LRPPRC: variants seen among roughly 807,000 people sequenced by gnomAD.
The protein encoded by LRPPRC is leucine-rich PPR motif-containing protein, mitochondrial.
In LRPPRC, 120 loss-of-function variants were observed where a neutral mutation model predicts 180.3. The ratio of observed to expected loss-of-function variants is 0.67; its 90% confidence interval spans 0.57 to 0.77. The LOEUF is 0.77. Among genes scored for constraint, LRPPRC ranks in the 30% least tolerant of loss-of-function variants. The pLI, the probability that LRPPRC is intolerant of heterozygous loss-of-function variation, is 0.00. For missense variants in LRPPRC, 2,012 were observed against 1,657.2 expected, an observed-to-expected ratio of 1.21 and a Z score of -3.72; for synonymous variants, 723 against 600.0, an observed-to-expected ratio of 1.21 and a Z score of -3.00.
chr2:43,889,873 G>C lies in LRPPRC; in HGVS notation c.3989C>G (p.Ser1330Ter). ...TTTAGCAGATGTGACATCTTTCTCT[G>C]AGACTGACATAAAGAAAAAAATATA... ...AYNSLMKSYV[S>*]EKDVTSAKAL... Residue 1330 changes from serine (S) to a stop codon, truncating the protein, a stop_gained, in exon 37 of 38, where the codon TCA becomes TGA. Coordinates refer to ENST00000260665, the MANE Select transcript of LRPPRC (RefSeq NM_133259.4). LOFTEE classifies it high-confidence loss of function. 1 of 1,604,574 alleles carries C rather than the reference G, an allele frequency of 6.2e-7. No individual in the cohort carries two copies. Among genetic ancestry groups the C allele is most frequent in the Non-Finnish European group, 8.5e-7 (1 of 1,171,292 alleles).
chr2:43,966,357 T>C (rs1023317045), intron 11 of LRPPRC, among the ~76,000 whole-genome samples: 1 of 152,014 alleles, frequency 6.6e-6, no homozygotes, highest in Non-Finnish European at 1.5e-5. Context: ...CTGGACACAA[T>C]GTACAGAATA....
intron 35 of LRPPRC, 51 bp downstream of exon 35, chr2:43,896,583 G>A (rs758243451): frequency 8.8e-7 from 1 of 1,141,732 alleles, no homozygotes; most frequent in Non-Finnish European, 1.3e-6. Context: ...CAATACTTCT[G>A]AGCAAGGCAC....
intron 1 of LRPPRC, among the ~76,000 whole-genome samples, chr2:43,985,738 G>C (rs1674501597): frequency 1.3e-5 from 2 of 152,190 alleles, no homozygotes; most frequent in African/African-American, 4.8e-5. Context: ...CCTACTGAAG[G>C]ACATCCAGGT....
At chr2:43,966,910 G>T (rs548700181) in intron 11 of LRPPRC, among the ~76,000 whole-genome samples, 2 of 151,982 alleles carry the variant, frequency 1.3e-5, no homozygotes, top group South Asian at 2.1e-4. Flanking sequence ...AATTTGCTGG[G>T]TGTGGTGGCA....
rs1177698768 is a variant in LRPPRC, at chr2:43,995,942, T to C, written c.6A>G (p.Ala2=). The change falls in exon 1 of 38, where the codon GCA becomes GCG. Residue 2 remains alanine (A), a synonymous_variant. Coordinates refer to ENST00000260665, the MANE Select transcript of LRPPRC (RefSeq NM_133259.4). The part of the protein sequence containing the change: M[A]ALLRSARWLL... ...ACCAACGCGCGGATCTCAGCAGGGC[T>C]GCCATTGCTCGAACGTCCCCGCAGC... The C allele has an allele frequency of 1.3e-6, 2 of 1,526,320 alleles. No homozygotes were observed. Among genetic ancestry groups the C allele is most frequent in the African/African-American group, 2.8e-5 (2 of 71,610 alleles). 94.5% of individuals were successfully genotyped at this position (1,526,320 alleles called of 1,614,324 possible). A position where few individuals can be genotyped will look rare whatever the true frequency, so the allele number is the denominator to read the frequency against.
intron 1 of LRPPRC, among the ~76,000 whole-genome samples, chr2:43,987,802 C>T (rs1476361341): frequency 6.6e-6 from 1 of 152,204 alleles, no homozygotes; most frequent in East Asian, 1.9e-4. Context: ...TTACTTATCA[C>T]ATCAATTCTG....
At chr2:43,930,228 A>T (rs1672037980) in intron 25 of LRPPRC, among the ~76,000 whole-genome samples, 1 of 152,160 alleles carries the variant, frequency 6.6e-6, no homozygotes, top group Non-Finnish European at 1.5e-5. Context: ...GCAAAACAGC[A>T]GATAGGGAGA....
At chr2:43,932,741 G>A (rs1672135234) in intron 25 of LRPPRC, among the ~76,000 whole-genome samples, 1 of 152,186 alleles carries the variant, frequency 6.6e-6, no homozygotes, top group Admixed American at 6.5e-5. Context: ...TTATGTGATT[G>A]AATCTTAAAG....
intron 1 of LRPPRC, among the ~76,000 whole-genome samples, chr2:43,995,394 T>C (rs1202814568): frequency 6.6e-6 from 1 of 152,188 alleles, no homozygotes; most frequent in Non-Finnish European, 1.5e-5. Flanking sequence ...AATATCTAAA[T>C]GCTAGGTGGT....
intron 14 of LRPPRC, among the ~76,000 whole-genome samples, chr2:43,951,349 C>G (rs889668543): frequency 2.0e-5 from 3 of 152,036 alleles, no homozygotes; most frequent in African/African-American, 7.2e-5. Flanking sequence ...AGTAGCCTAC[C>G]ACATTTGAAA....
chr2:43,975,476 G>T (rs1012015815), intron 6 of LRPPRC, among the ~76,000 whole-genome samples: 3 of 152,022 alleles, frequency 2.0e-5, no homozygotes, highest in African/African-American at 7.3e-5. Context: ...TGTAGGTTAT[G>T]ACTCAGACTT....
At chr2:43,894,324 A>G (rs945596295) in intron 36 of LRPPRC, among the ~76,000 whole-genome samples, 1 of 152,168 alleles carries the variant, frequency 6.6e-6, no homozygotes, top group Non-Finnish European at 1.5e-5. Flanking sequence ...ATACTTTTTA[A>G]TGTTAAAGTT....
At chr2:43,909,168 G>C (rs1260970536) in intron 30 of LRPPRC, among the ~76,000 whole-genome samples, 2 of 152,176 alleles carry the variant, frequency 1.3e-5, no homozygotes, top group Non-Finnish European at 2.9e-5. Flanking sequence ...TGAATTTTCA[G>C]TCCAGCATTA....
intron 25 of LRPPRC, among the ~76,000 whole-genome samples, chr2:43,926,823 C>A (rs984009394): frequency 6.6e-6 from 1 of 152,174 alleles, no homozygotes; most frequent in African/African-American, 2.4e-5. Context: ...AAATGCTTTG[C>A]GAACTTCACA....
intron 27 of LRPPRC, among the ~76,000 whole-genome samples, chr2:43,923,257 C>G (rs987033040): frequency 3.3e-5 from 5 of 149,534 alleles, no homozygotes; most frequent in Non-Finnish European, 7.4e-5. Context: ...GGCAGGAAGA[C>G]TGCTTGAGCT....
rs370568869 is a variant in LRPPRC at position 43,918,546 on chromosome 2, C to T, written c.2897-148G>A. 19 of 674,482 alleles carry T rather than the reference C, an allele frequency of 2.8e-5. 1 individual carries two copies. The highest frequency in any genetic ancestry group is 1.1e-4 in the South Asian group (6 of 55,012). The allele number at this position is 674,482 out of a possible 1,614,324, so 41.8% of individuals were successfully genotyped here. On this transcript the variant is annotated intron_variant, in intron 27 of 37. Transcript: ENST00000260665. ...AAAGGAACCAAAAGTGACCGTGACCCGAAGTCGAGAAGGGAACTTTTCTCT... is the reference window on the plus strand; with the variant it reads ...AAAGGAACCAAAAGTGACCGTGACCTGAAGTCGAGAAGGGAACTTTTCTCT...
At chr2:43,944,359 A>C (rs527669190) in intron 22 of LRPPRC, among the ~76,000 whole-genome samples, 1 of 152,120 alleles carries the variant, frequency 6.6e-6, no homozygotes, top group Non-Finnish European at 1.5e-5. Context: ...AGCCAAGCAG[A>C]GCCAATGAAA....
chr2:43,966,690 G>A (rs1040473534), intron 11 of LRPPRC, among the ~76,000 whole-genome samples: 2 of 150,802 alleles, frequency 1.3e-5, no homozygotes, highest in Non-Finnish European at 3.0e-5. Context: ...TTACAGGCAT[G>A]AGCCACCACG....
chr2:43,974,763 A>G lies in LRPPRC; in HGVS notation c.865-5T>C. 1 of 1,612,312 alleles carries G rather than the reference A, an allele frequency of 6.2e-7. No homozygotes were observed. Reference sequence around the variant, plus strand: ...CTTCTCCACCTTCTCCAGAGTCTATAGAGAGTTCCAGAAATTAGAAGACAA... The same window carrying G: ...CTTCTCCACCTTCTCCAGAGTCTATGGAGAGTTCCAGAAATTAGAAGACAA... On this transcript the variant is annotated splice_region_variant and splice_polypyrimidine_tract_variant and intron_variant, in intron 7 of 37. Transcript: ENST00000260665.
Sources: gnomAD v4.1 joint callset for allele counts (sites outside exome capture counted in the v4.1 genomes callset) on GRCh38, gnomAD v4.1.1 for gene constraint, MANE v1.5 for transcripts, NCBI Gene and HGNC (gene_info 2026-07-23, HGNC 2026-07-21) for gene names.